ABCA12: variants seen among roughly 807,000 people sequenced by gnomAD.
The protein encoded by ABCA12 is ATP binding cassette subfamily A member 12.
A neutral mutation model predicts 293.5 loss-of-function variants in ABCA12; 156 were observed. That is an observed-to-expected ratio of 0.53 (90% CI 0.47 to 0.61). ABCA12 has a LOEUF of 0.61. ABCA12 is among the 20% of genes least tolerant of loss of function. The pLI is 0.00. For synonymous variants in ABCA12, 1,063 were observed against 1,108.0 expected, an observed-to-expected ratio of 0.96 and a Z score of 0.81; for missense variants, 2,797 against 3,090.2, an observed-to-expected ratio of 0.91 and a Z score of 2.25.
intron 1 of ABCA12, among the ~76,000 whole-genome samples, chr2:215,134,600 T>C (rs1449251094): frequency 1.4e-5 from 1 of 73,224 alleles, no homozygotes; most frequent in Admixed American, 1.3e-4. Flanking sequence ...TCTCTCTCTC[T>C]ATATATATAT....
intron 2 of ABCA12, among the ~76,000 whole-genome samples, chr2:215,101,454 A>G (rs1702355432): frequency 6.6e-6 from 1 of 152,138 alleles, no homozygotes; most frequent in Non-Finnish European, 1.5e-5. Flanking sequence ...CCATTTGTCT[A>G]TTTCAGCAAA....
intron 19 of ABCA12, among the ~76,000 whole-genome samples, chr2:215,006,978 C>T (rs916855615): frequency 6.9e-6 from 1 of 144,714 alleles, no homozygotes; most frequent in Non-Finnish European, 1.5e-5. Flanking sequence ...CAGGTTCAAG[C>T]GATTCTTCTG....
chr2:215,126,015 A>AT (rs1344755131), intron 1 of ABCA12, among the ~76,000 whole-genome samples: 1 of 152,062 alleles, frequency 6.6e-6, no homozygotes, highest in African/African-American at 2.4e-5. Context: ...GGAACACTGG[A>AT]TTTTGTCAAA....
At chr2:214,985,443 AAG>A (rs1185240511) in intron 28 of ABCA12, among the ~76,000 whole-genome samples, 1 of 152,206 alleles carries the variant, frequency 6.6e-6, no homozygotes, top group African/African-American at 2.4e-5. Context: ...CAGGAAAAAT[AAG>A]TAATGGGCAC....
At chr2:215,051,672 G>C (rs1701324240) in intron 5 of ABCA12, among the ~76,000 whole-genome samples, 1 of 142,996 alleles carries the variant, frequency 7.0e-6, no homozygotes. Context: ...AAGGAGAGAA[G>C]AAAGGTGAGT....
chr2:215,118,262 C>T (rs543617333), intron 1 of ABCA12, among the ~76,000 whole-genome samples: 2 of 152,108 alleles, frequency 1.3e-5, no homozygotes, highest in African/African-American at 4.8e-5. Flanking sequence ...ATTAGCCGAG[C>T]ATGGTGGCAC....
At chr2:215,041,551 CAAA>C (rs74770979) in intron 7 of ABCA12, among the ~76,000 whole-genome samples, 8 of 86,462 alleles carry the variant, frequency 9.3e-5, no homozygotes, top group Admixed American at 1.3e-4. Flanking sequence ...GACTCCATCT[CAAA>C]AAAAAAAAAA....
chr2:215,110,472 G>A (rs1419080006), intron 2 of ABCA12, among the ~76,000 whole-genome samples: 1 of 152,184 alleles, frequency 6.6e-6, no homozygotes, highest in South Asian at 2.1e-4. Flanking sequence ...CCGAAATCGC[G>A]CCACTGCACT....
chr2:215,132,718 C>T (rs1156393117), intron 1 of ABCA12, among the ~76,000 whole-genome samples: 2 of 151,888 alleles, frequency 1.3e-5, no homozygotes, highest in Non-Finnish European at 2.9e-5. Flanking sequence ...TTAAGCAGGG[C>T]ATTGAGGCAT....
At position 215,031,896 on chromosome 2, in the gene ABCA12, C is replaced by A. The variant is rs1700886206; in HGVS notation, c.986G>T (p.Gly329Val). ...LLYTLDSPAQ[G>V]DSDNITHVWN... is the part of the protein sequence containing the mutation. ...CACATGCGTTATATTATCGGAGTCA[C>A]CTGAAGTAATAATTTTTATATAGGT... The change falls in exon 9 of 53, where the codon GGT (glycine) becomes GTT (valine). Residue 329 changes from glycine to valine, a missense_variant and splice_region_variant. Gly to Val is a moderately radical substitution (Grantham distance 109). Around this residue, in one of 3 missense-constraint regions of ABCA12, gnomAD observed 656 missense variants for 638.2 expected, o/e 1.03. Transcript: ENST00000272895. The A allele has an allele frequency of 6.2e-7, 1 of 1,613,450 alleles. No homozygotes were observed. The highest frequency in any genetic ancestry group is 8.5e-7 in the Non-Finnish European group (1 of 1,179,830).
chr2:214,950,814 G>C (rs1349376647), intron 45 of ABCA12, 65 bp downstream of exon 45: 18 of 1,548,884 alleles, frequency 1.2e-5, no homozygotes, highest in Non-Finnish European at 1.6e-5. Context: ...CAATAATTAA[G>C]ATTTTAATTT....
intron 27 of ABCA12, 75 bp from the exon 28 acceptor site, chr2:214,986,803 T>TA (rs1699798696): frequency 7.4e-7 from 1 of 1,347,338 alleles, no homozygotes; most frequent in Admixed American, 1.8e-5. Flanking sequence ...TTATCTTTAT[T>TA]AAAAATTTAA....
chr2:215,089,476 T>C (rs539146240), intron 2 of ABCA12, among the ~76,000 whole-genome samples: 6 of 152,200 alleles, frequency 3.9e-5, no homozygotes, highest in Non-Finnish European at 5.9e-5. Flanking sequence ...TCAGAAACCA[T>C]TTTCTCATCA....
rs755495614 is a variant in ABCA12 at position 214,950,988 on chromosome 2, GCAC to G, written c.6740_6742del (p.Gly2247del). 6.2e-7 allele frequency: 1 copy of G among 1,614,092 alleles called. No individual in the cohort carries two copies. The highest frequency in any genetic ancestry group is 1.1e-5 in the South Asian group (1 of 91,078). On this transcript the variant is annotated inframe_deletion, in exon 45 of 53. Coordinates refer to ENST00000272895, the MANE Select transcript of ABCA12 (RefSeq NM_173076.3). ...AAGTTGGACCAAGTCAAATTCAGCT[GCAC>G]CACTCTCAACTCTTAATCTCTCAGC...
At chr2:215,102,421 A>C (rs1221119337) in intron 2 of ABCA12, among the ~76,000 whole-genome samples, 2 of 152,126 alleles carry the variant, frequency 1.3e-5, no homozygotes, top group African/African-American at 2.4e-5. Context: ...CAACATGGTG[A>C]AACCCTGTCT....
chr2:214,999,313 T>C (rs1700095377), intron 22 of ABCA12, among the ~76,000 whole-genome samples: 1 of 152,186 alleles, frequency 6.6e-6, no homozygotes, highest in Non-Finnish European at 1.5e-5. Context: ...TTAGATTTGG[T>C]CTAGTATAAA....
intron 33 of ABCA12, among the ~76,000 whole-genome samples, chr2:214,977,872 TTTTTTTCC>T (rs1699554249): frequency 8.4e-6 from 1 of 118,448 alleles, no homozygotes; most frequent in Admixed American, 8.7e-5. Context: ...GGCAGCTCCT[TTTTTTTCC>T]TTTTTTTTTT....
chr2:215,054,835 T>C (rs73074425), intron 3 of ABCA12, among the ~76,000 whole-genome samples, 171 bp from the exon 4 acceptor site: 3,688 of 152,114 alleles, frequency 0.024, 163 homozygotes, highest in African/African-American at 0.084. Context: ...ATATATAAGG[T>C]CTCCTACAAA....
chr2:215,020,031 T>C (rs1700593355), intron 11 of ABCA12, among the ~76,000 whole-genome samples: 1 of 152,214 alleles, frequency 6.6e-6, no homozygotes, highest in African/African-American at 2.4e-5. Context: ...TGTCTTTCTC[T>C]GTGGAGTCAC....
Sources: gnomAD v4.1 joint callset for allele counts (sites outside exome capture counted in the v4.1 genomes callset) on GRCh38, gnomAD v4.1.1 for gene constraint, gnomAD v4.1.1 regional missense constraint, MANE v1.5 for transcripts, NCBI Gene and HGNC (gene_info 2026-07-23, HGNC 2026-07-21) for gene names.